PPP2R2B: variants seen among roughly 807,000 people sequenced by gnomAD.
PPP2R2B encodes protein phosphatase 2 regulatory subunit Bbeta.
PPP2R2B carries 5 observed loss-of-function variants against 46.0 expected under a neutral mutation model. The ratio of observed to expected loss-of-function variants is 0.11; its 90% CI spans 0.06 to 0.23. The LOEUF is 0.23. Ranked by LOEUF, PPP2R2B falls within the 10% of genes least tolerant of loss-of-function variation. The probability of loss-of-function intolerance (pLI) is 1.00; values close to 1 mark genes in which losing one functional copy is unlikely to be tolerated. For synonymous variants in PPP2R2B, 215 were observed against 206.7 expected (o/e 1.04, Z -0.34); for missense variants, 367 against 575.0 (o/e 0.64, Z 3.70).
intron 1 of PPP2R2B, among the ~76,000 whole-genome samples, chr5:146,952,225 A>T (rs1041837640): frequency 1.3e-5 from 2 of 152,042 alleles, no homozygotes; most frequent in Non-Finnish European, 2.9e-5. Flanking sequence ...TTTTGGGATG[A>T]CCAAGTCCTT....
intron 1 of PPP2R2B, among the ~76,000 whole-genome samples, chr5:146,943,494 T>C (rs1764386877): frequency 6.6e-6 from 1 of 152,196 alleles, no homozygotes; most frequent in Non-Finnish European, 1.5e-5. Flanking sequence ...CCCATGAGGT[T>C]GTAAGAAAGT....
At chr5:146,602,155 G>T (rs569627463) in intron 7 of PPP2R2B, among the ~76,000 whole-genome samples, 1 of 152,102 alleles carries the variant, frequency 6.6e-6, no homozygotes, top group Non-Finnish European at 1.5e-5. Context: ...GCTTGGTCTG[G>T]TCATTTATTT....
At chr5:146,844,125 T>C (rs1244788638) in intron 2 of PPP2R2B, among the ~76,000 whole-genome samples, 1 of 146,652 alleles carries the variant, frequency 6.8e-6, no homozygotes, top group Non-Finnish European at 1.5e-5. Flanking sequence ...ACACCGCATA[T>C]TCTCACTCAT....
rs141849148 is a variant in PPP2R2B at position 146,670,273 on chromosome 5, A to G, written c.448-19549T>C. Among the ~76,000 whole-genome samples the G allele has an allele frequency of 6.9e-3, 1,048 of 152,322 alleles. 25 individuals are homozygous for G. Among genetic ancestry groups the G allele is most frequent in the Admixed American group, 0.042 (635 of 15,294 alleles). On this transcript the variant is annotated intron_variant, in intron 5 of 9. Coordinates refer to ENST00000394411, the MANE Select transcript of PPP2R2B (RefSeq NM_181675.4). Reference sequence around the variant, plus strand: ...AGAGATTCCTAAACTGGCTTTTAAAAAAATCAGAATCACCTGAGAGTTCTT... The same window carrying G: ...AGAGATTCCTAAACTGGCTTTTAAAGAAATCAGAATCACCTGAGAGTTCTT...
At chr5:146,748,621 T>C (rs1753340901) in intron 2 of PPP2R2B, among the ~76,000 whole-genome samples, 1 of 152,238 alleles carries the variant, frequency 6.6e-6, no homozygotes, top group Non-Finnish European at 1.5e-5. Flanking sequence ...AAGAGGTACA[T>C]CCAGTAGTAC....
intron 1 of PPP2R2B, among the ~76,000 whole-genome samples, chr5:146,978,221 T>G (rs2151853044): frequency 6.6e-6 from 1 of 152,180 alleles, no homozygotes; most frequent in Non-Finnish European, 1.5e-5. Flanking sequence ...TTTGATGGGT[T>G]TTTTTTAATT....
chr5:146,825,918 TG>T (rs1758552085), intron 2 of PPP2R2B, among the ~76,000 whole-genome samples: 1 of 152,178 alleles, frequency 6.6e-6, no homozygotes, highest in Non-Finnish European at 1.5e-5. Context: ...TTGAAGTTTT[TG>T]TTGTCTCCTC....
At chr5:146,734,765 A>G (rs1340680846) in intron 2 of PPP2R2B, among the ~76,000 whole-genome samples, 2 of 152,180 alleles carry the variant, frequency 1.3e-5, no homozygotes, top group Middle Eastern at 3.2e-3. Flanking sequence ...ACCAAATCCT[A>G]TAACGTATAG....
At chr5:146,783,956 A>G (rs919575410) in intron 2 of PPP2R2B, among the ~76,000 whole-genome samples, 3 of 152,206 alleles carry the variant, frequency 2.0e-5, no homozygotes, top group African/African-American at 7.2e-5. Context: ...TTGTGTGTGT[A>G]CCTGTCTATA....
chr5:146,747,070 C>T (rs1275129918), intron 2 of PPP2R2B, among the ~76,000 whole-genome samples: 3 of 152,116 alleles, frequency 2.0e-5, no homozygotes, highest in Admixed American at 6.5e-5. Flanking sequence ...GTGCTTGTCA[C>T]CTTCTAGGTG....
At chr5:146,879,073 A>G, upstream of PPP2R2B, 1 of 291,856 alleles carries the variant, frequency 3.4e-6, no homozygotes, top group Non-Finnish European at 5.6e-6. Context: ...GAGAACAGCA[A>G]AGAGAAGTAG....
At chr5:146,692,499 C>T (rs541930174) in intron 4 of PPP2R2B, among the ~76,000 whole-genome samples, 157 of 150,210 alleles carry the variant, frequency 1.0e-3, no homozygotes, top group African/African-American at 3.7e-3. Flanking sequence ...GCTGGAATGG[C>T]GTGCCCTACA....
intron 2 of PPP2R2B, among the ~76,000 whole-genome samples, chr5:147,066,360 T>G (rs1757414725): frequency 6.6e-6 from 1 of 152,210 alleles, no homozygotes; most frequent in Non-Finnish European, 1.5e-5. Flanking sequence ...ATTAGCTAAT[T>G]TAATCCTCAC....
chr5:146,674,207 A>G (rs1434744871), intron 5 of PPP2R2B, among the ~76,000 whole-genome samples: 1 of 152,176 alleles, frequency 6.6e-6, no homozygotes, highest in African/African-American at 2.4e-5. Flanking sequence ...GTCCTATGAG[A>G]TACTTTAAAT....
chr5:146,995,264 G>T lies in PPP2R2B; in HGVS notation c.79+60401C>A, dbSNP rs768136046. ...TTCATATTAAGATTAAATAGGAGCA[G>T]TGCCTGCCTTTTTAAATGTTGTATC... On this transcript the variant is annotated intron_variant, in intron 1 of 8. Coordinates refer to the PPP2R2B transcript ENST00000336640. Among the ~76,000 whole-genome samples, 3 of 152,300 alleles carry T rather than the reference G, an allele frequency of 2.0e-5. 1 individual carries two copies. The highest frequency in any genetic ancestry group is 6.5e-5 in the Admixed American group (1 of 15,298).
chr5:146,720,918 T>C (rs1780760465), intron 2 of PPP2R2B, among the ~76,000 whole-genome samples: 1 of 152,172 alleles, frequency 6.6e-6, no homozygotes, highest in Non-Finnish European at 1.5e-5. Flanking sequence ...GCAAATCCTA[T>C]CTCTTGAGAC....
chr5:146,650,345 G>C (rs1460302722), intron 6 of PPP2R2B, among the ~76,000 whole-genome samples: 2 of 152,080 alleles, frequency 1.3e-5, no homozygotes, highest in South Asian at 4.1e-4. Flanking sequence ...AGCTAGCCCT[G>C]GCCTCCCACT....
intron 2 of PPP2R2B, among the ~76,000 whole-genome samples, chr5:146,777,244 GAATA>G (rs1755241222): frequency 6.6e-6 from 1 of 151,978 alleles, no homozygotes; most frequent in African/African-American, 2.4e-5. Context: ...ACAGAAGAAC[GAATA>G]AATAAAATGT....
intron 7 of PPP2R2B, among the ~76,000 whole-genome samples, chr5:146,630,350 G>T (rs322484): frequency 0.13 from 19,115 of 152,106 alleles, 2,312 homozygotes; most frequent in African/African-American, 0.3. Flanking sequence ...AATGACCTCG[G>T]TTATTTGTAC....
Sources: gnomAD v4.1 joint callset for allele counts (sites outside exome capture counted in the v4.1 genomes callset) on GRCh38, gnomAD v4.1.1 for gene constraint, MANE v1.5 for transcripts, NCBI Gene and HGNC (gene_info 2026-07-23, HGNC 2026-07-21) for gene names.